Variants in ITGA9 observed in about 807,000 individuals in gnomAD.
ITGA9 encodes the protein integrin alpha-9.
In ITGA9, 56 loss-of-function variants were observed where a neutral mutation model predicts 127.8. The observed-to-expected ratio is 0.44, with a 90% CI of 0.35 to 0.55. The LOEUF (loss-of-function observed/expected upper bound fraction) is 0.55, where lower values mean the gene tolerates loss of function less well. Ranked by LOEUF, ITGA9 falls within the 20% of genes least tolerant of loss-of-function variation. The probability of loss-of-function intolerance (pLI) is 0.00; values close to 1 mark genes in which losing one functional copy is unlikely to be tolerated. For synonymous variants in ITGA9, 508 were observed against 514.5 expected, an observed-to-expected ratio of 0.99 and a Z score of 0.17; for missense variants, 1,196 against 1,347.1, an observed-to-expected ratio of 0.89 and a Z score of 1.76.
At chr3:37,725,553 C>T (rs751334929) in intron 18 of ITGA9, among the ~76,000 whole-genome samples, 14 of 152,086 alleles carry the variant, frequency 9.2e-5, no homozygotes, top group East Asian at 3.9e-4. Context: ...GGAATGTGCC[C>T]GGCTCACATC....
intron 15 of ITGA9, among the ~76,000 whole-genome samples, chr3:37,593,881 T>TCCTTGG (rs11281473): frequency 0.63 from 95,531 of 151,554 alleles, 30,457 homozygotes; most frequent in East Asian, 0.73. Context: ...TCCTCTGCTC[T>TCCTTGG]CCTTGGCCTT....
intron 13 of ITGA9, among the ~76,000 whole-genome samples, chr3:37,527,016 T>G (rs577523107): frequency 2.0e-5 from 3 of 152,364 alleles, no homozygotes; most frequent in Non-Finnish European, 2.9e-5. Flanking sequence ...TGAGGTTGAA[T>G]GTGAACTCAG....
chr3:37,518,471 G>C (rs928332774), intron 10 of ITGA9, among the ~76,000 whole-genome samples: 1 of 152,226 alleles, frequency 6.6e-6, no homozygotes, highest in African/African-American at 2.4e-5. Context: ...GGAGTTGCCA[G>C]TTTGTGAGAG....
intron 23 of ITGA9, among the ~76,000 whole-genome samples, chr3:37,770,305 G>T (rs1197043303): frequency 6.6e-6 from 1 of 152,158 alleles, no homozygotes; most frequent in Non-Finnish European, 1.5e-5. Context: ...ATAGAGATGG[G>T]ACCATAAGCG....
At chr3:37,699,792 A>G (rs980924558) in intron 18 of ITGA9, among the ~76,000 whole-genome samples, 4 of 152,118 alleles carry the variant, frequency 2.6e-5, no homozygotes, top group African/African-American at 9.7e-5. Flanking sequence ...CTTGAAACAC[A>G]CTAAGCTTAT....
At position 37,799,671 on chromosome 3, in the gene ITGA9, C is replaced by A. The variant is rs536279889; in HGVS notation, c.2890-4152C>A. On this transcript the variant is annotated intron_variant, in intron 26 of 27. Transcript: ENST00000264741. The surrounding 1 kb of genome is among the most constrained non-coding windows in gnomAD (Gnocchi z 4.0). ...TAAACCGAGAAGTGACATGATGAGA[C>A]CTGTGCCTTAGAAAAACAACTCTAT... Among the ~76,000 whole-genome samples the A allele has an allele frequency of 1.0e-3, 155 of 152,214 alleles. 1 individual carries two copies. The highest frequency in any genetic ancestry group is 3.0e-3 in the Admixed American group (46 of 15,288).
At chr3:37,769,338 CAAAAA>C (rs35133772) in intron 23 of ITGA9, among the ~76,000 whole-genome samples, 3 of 114,340 alleles carry the variant, frequency 2.6e-5, no homozygotes, top group Non-Finnish European at 1.8e-5. Flanking sequence ...AACTCTGTCT[CAAAAA>C]AAAAAAAAAA....
chr3:37,815,296 T>C (rs1224609856), intron 27 of ITGA9, among the ~76,000 whole-genome samples: 1 of 152,168 alleles, frequency 6.6e-6, no homozygotes, highest in Non-Finnish European at 1.5e-5. Flanking sequence ...CAGCTTTTGC[T>C]CTTAGAGATG....
chr3:37,494,154 G>T (rs534309901), intron 4 of ITGA9, among the ~76,000 whole-genome samples: 1 of 152,290 alleles, frequency 6.6e-6, no homozygotes, highest in East Asian at 1.9e-4. Flanking sequence ...CACGTTTTCA[G>T]CTCCTTGGGC....
At chr3:37,591,608 C>A (rs1275705513) in intron 15 of ITGA9, among the ~76,000 whole-genome samples, 1 of 152,166 alleles carries the variant, frequency 6.6e-6, no homozygotes, top group African/African-American at 2.4e-5. Context: ...CAGCTGTAGA[C>A]CTCGGGGGTC....
intron 26 of ITGA9, among the ~76,000 whole-genome samples, chr3:37,786,693 G>A (rs1303588836): frequency 6.6e-6 from 1 of 152,172 alleles, no homozygotes; most frequent in East Asian, 1.9e-4. Flanking sequence ...GTGAGCAAGA[G>A]ATGAGAACAT....
At chr3:37,464,435 C>A (rs1698349594) in intron 1 of ITGA9, among the ~76,000 whole-genome samples, 1 of 152,090 alleles carries the variant, frequency 6.6e-6, no homozygotes, top group African/African-American at 2.4e-5. Flanking sequence ...TCTAACATTT[C>A]TTTGAACACC....
chr3:37,524,163 G>C (rs1164847266), intron 12 of ITGA9, among the ~76,000 whole-genome samples: 1 of 152,188 alleles, frequency 6.6e-6, no homozygotes, highest in Non-Finnish European at 1.5e-5. Context: ...ACTGGATAAA[G>C]ATACATGATT....
chr3:37,526,399 C>A (rs1699093620), intron 13 of ITGA9, among the ~76,000 whole-genome samples: 1 of 152,156 alleles, frequency 6.6e-6, no homozygotes, highest in Admixed American at 6.5e-5. Context: ...TGGCCAAGAA[C>A]CTTCCATAAT....
chr3:37,732,463 C>G (rs1312270579), intron 18 of ITGA9, among the ~76,000 whole-genome samples: 1 of 152,166 alleles, frequency 6.6e-6, no homozygotes, highest in East Asian at 1.9e-4. Context: ...CCAGGACTGC[C>G]CTAGGGTTTG....
At position 37,597,020 on chromosome 3, in the gene ITGA9, G is replaced by C. The variant is rs1035063060; in HGVS notation, c.1690-32167G>C. ...GTGTTCTAAGCAGCTGCTGGGAAAG[G>C]GGGTGAGAGGAAGTGACTGCAGCTT... is the stretch of plus-strand genomic sequence containing the variant. On this transcript the variant is annotated intron_variant, in intron 15 of 27. Transcript: ENST00000264741. The surrounding 1 kb of genome is among the most constrained non-coding windows in gnomAD (Gnocchi z 4.6). 2.0e-5 allele frequency among the ~76,000 whole-genome samples: 3 copies of C among 152,190 alleles called. No individual in the cohort carries two copies. The highest frequency in any genetic ancestry group is 2.0e-4 in the Admixed American group (3 of 15,286).
chr3:37,695,016 G>C (rs752909722), intron 18 of ITGA9, among the ~76,000 whole-genome samples: 1 of 152,180 alleles, frequency 6.6e-6, no homozygotes, highest in Non-Finnish European at 1.5e-5. Context: ...TGAAACTCAG[G>C]CAGGGTCCCT....
intron 25 of ITGA9, 97 bp from the exon 26 acceptor site, chr3:37,784,880 C>A: frequency 9.7e-7 from 1 of 1,035,544 alleles, no homozygotes; most frequent in Non-Finnish European, 1.5e-6. Context: ...GTCTGGGCTA[C>A]ATGGAATCAT....
At chr3:37,773,387 G>C (rs1489245886) in intron 23 of ITGA9, among the ~76,000 whole-genome samples, 1 of 152,210 alleles carries the variant, frequency 6.6e-6, no homozygotes, top group Non-Finnish European at 1.5e-5. Context: ...GTCCACTCCA[G>C]AAGACAGACA....
Sources: allele counts gnomAD v4.1 joint callset (sites outside exome capture counted in the v4.1 genomes callset), GRCh38; gene constraint gnomAD v4.1.1; non-coding constraint Gnocchi (gnomAD v3.1); transcripts MANE v1.5; gene names NCBI Gene and HGNC (gene_info 2026-07-23, HGNC 2026-07-21).